Variants in FDX1 observed in about 807,000 individuals in gnomAD.
FDX1 encodes the protein adrenodoxin, mitochondrial.
A neutral mutation model predicts 14.9 loss-of-function variants in FDX1; 9 were observed. That is an observed-to-expected ratio of 0.60 (90% confidence interval 0.36 to 1.05). The LOEUF is 1.05. Ranked by LOEUF, FDX1 falls within the 50% of genes least tolerant of loss-of-function variation. The pLI, the probability that FDX1 is intolerant of heterozygous loss-of-function variation, is 0.01. For synonymous variants in FDX1, 92 were observed against 99.4 expected, an observed-to-expected ratio of 0.93 and a Z score of 0.44; for missense variants, 204 against 237.2, an observed-to-expected ratio of 0.86 and a Z score of 0.92.
chr11:110,462,643 T>C lies in FDX1; in HGVS notation c.*175T>C, dbSNP rs998050476. 2.6e-5 allele frequency: 10 copies of C among 386,984 alleles called. No homozygotes were observed. The highest frequency in any genetic ancestry group is 4.2e-5 in the Admixed American group (1 of 23,600). 24.0% of individuals were successfully genotyped at this position (386,984 alleles called of 1,614,324 possible). A position where few individuals can be genotyped will look rare whatever the true frequency, so the allele number is the denominator to read the frequency against. The stretch of plus-strand genomic sequence containing the variant: ...GTCATTCTTGAAAGTATGCAATTTT[T>C]ATTTTGGTTATATTACAAAAATGTC... On this transcript the variant is annotated 3_prime_UTR_variant, in exon 4 of 4. Coordinates refer to ENST00000260270, the MANE Select transcript of FDX1 (RefSeq NM_004109.5).
chr11:110,443,685 C>A (rs1355447157), intron 2 of FDX1, among the ~76,000 whole-genome samples: 1 of 152,072 alleles, frequency 6.6e-6, no homozygotes, highest in Non-Finnish European at 1.5e-5. Flanking sequence ...CTCAAGTGAT[C>A]CGCCTGCCTT....
chr11:110,450,068 C>T (rs901976948), intron 2 of FDX1, among the ~76,000 whole-genome samples: 1 of 152,148 alleles, frequency 6.6e-6, no homozygotes, highest in Admixed American at 6.5e-5. Context: ...GGCCCCCAAC[C>T]TTTTTGGCAC....
intron 2 of FDX1, among the ~76,000 whole-genome samples, chr11:110,436,899 T>C (rs1946373499): frequency 6.6e-6 from 1 of 152,128 alleles, no homozygotes; most frequent in Admixed American, 6.5e-5. Context: ...CTTATTAGAT[T>C]ATTAGTTTTT....
intron 2 of FDX1, among the ~76,000 whole-genome samples, chr11:110,437,319 T>C (rs1398724885): frequency 6.6e-6 from 1 of 152,230 alleles, no homozygotes; most frequent in South Asian, 2.1e-4. Context: ...AAGTATTTTT[T>C]GCTAGTTTTA....
At chr11:110,447,273 CA>C (rs541827807) in intron 2 of FDX1, among the ~76,000 whole-genome samples, 1,765 of 75,298 alleles carry the variant, frequency 0.023, 18 homozygotes, top group African/African-American at 0.066. Flanking sequence ...ACTAAAAATA[CA>C]AAAAAAAAAA....
intron 1 of FDX1, among the ~76,000 whole-genome samples, 167 bp downstream of exon 1, chr11:110,430,472 C>T (rs1946323333): frequency 6.6e-6 from 1 of 152,206 alleles, no homozygotes; most frequent in African/African-American, 2.4e-5. Context: ...GCGGCTCCGT[C>T]TCGCTGCTCG....
rs936890708 is a variant in FDX1 at position 110,462,377 on chromosome 11, G to A, written c.464G>A (p.Cys155Tyr). The A allele has an allele frequency of 6.2e-7, 1 of 1,610,824 alleles. No individual in the cohort carries two copies. Among genetic ancestry groups the A allele is most frequent in the Non-Finnish European group, 8.5e-7 (1 of 1,177,458 alleles). ...TDRSRLGCQICLTKSMDNMTV... is the reference protein window; with the variant it reads ...TDRSRLGCQIYLTKSMDNMTV... ...AGATCACGGTTGGGCTGCCAAATCT[G>A]TTTGACAAAATCTATGGACAATATG... Residue 155 changes from cysteine (C) to tyrosine (Y), a missense_variant, in exon 4 of 4, where the codon TGT (cysteine) becomes TAT (tyrosine). Transcript: ENST00000260270.
intron 1 of FDX1, among the ~76,000 whole-genome samples, chr11:110,434,495 C>A (rs1946354422): frequency 6.6e-6 from 1 of 151,788 alleles, no homozygotes; most frequent in African/African-American, 2.4e-5. Context: ...TACCACCATG[C>A]CTAATTTTTG....
Position 110,455,547 on chromosome 11 carries a change from G to A in FDX1, c.311-1371G>A, listed in dbSNP as rs569066992. On this transcript the variant is annotated intron_variant, in intron 2 of 3. Coordinates refer to ENST00000260270, the MANE Select transcript of FDX1 (RefSeq NM_004109.5). ...TTAAAAAAACTGTAAAAACAAACCCGAATCACTGTTTTTAAAGTCAGATTT... is the reference window on the plus strand; with the variant it reads ...TTAAAAAAACTGTAAAAACAAACCCAAATCACTGTTTTTAAAGTCAGATTT... 5.9e-5 allele frequency among the ~76,000 whole-genome samples: 9 copies of A among 152,198 alleles called. No individual in the cohort carries two copies. The South Asian group carries it at 1.2e-3, about 21-fold the overall frequency.
chr11:110,430,621 G>A (rs1248550811), intron 1 of FDX1, among the ~76,000 whole-genome samples: 3 of 152,204 alleles, frequency 2.0e-5, no homozygotes, highest in Non-Finnish European at 2.9e-5. Context: ...GGACTTTGCT[G>A]CTGCTTGTTC....
At chr11:110,438,551 G>A (rs1045894772) in intron 2 of FDX1, among the ~76,000 whole-genome samples, 1 of 152,020 alleles carries the variant, frequency 6.6e-6, no homozygotes, top group African/African-American at 2.4e-5. Context: ...TCAGTCTCCT[G>A]AGTAGCTGGA....
chr11:110,451,979 GGT>G (rs1946489424), intron 2 of FDX1, among the ~76,000 whole-genome samples: 1 of 152,100 alleles, frequency 6.6e-6, no homozygotes, highest in South Asian at 2.1e-4. Flanking sequence ...GTGAAGAAAG[GGT>G]ATTCTTTTCA....
intron 1 of FDX1, among the ~76,000 whole-genome samples, chr11:110,434,653 T>C (rs1226392822): frequency 6.6e-6 from 1 of 151,566 alleles, no homozygotes; most frequent in Non-Finnish European, 1.5e-5. Flanking sequence ...TTTTAGAAGC[T>C]CACTACAACC....
chr11:110,457,021 C>G lies in FDX1; in HGVS notation c.414C>G (p.Leu138=). Reference sequence around the variant, plus strand: ...TCACTGATGAGGAGAATGACATGCTCGATCTGGCATATGGACTAACAGACA... The same window carrying G: ...TCACTGATGAGGAGAATGACATGCTGGATCTGGCATATGGACTAACAGACA... ...DAITDEENDM[L]DLAYGLTDRS... The change falls in exon 3 of 4, where the codon CTC becomes CTG. Residue 138 remains leucine (L), a synonymous_variant. Transcript: ENST00000260270. 1 of 1,613,020 alleles carries G rather than the reference C, an allele frequency of 6.2e-7. No homozygotes were observed. Among genetic ancestry groups the G allele is most frequent in the Non-Finnish European group, 8.5e-7 (1 of 1,179,324 alleles).
rs1202295431 is a variant in FDX1 at position 110,464,685 on chromosome 11, G to C, written c.*2217G>C. ...CAAAGCCAATTTATTCTCTTAATTAGCTTCATTATTCTTGTCTTTGTGTGT... is the reference window on the plus strand; with the variant it reads ...CAAAGCCAATTTATTCTCTTAATTACCTTCATTATTCTTGTCTTTGTGTGT... On this transcript the variant is annotated 3_prime_UTR_variant, in exon 4 of 4. Transcript: ENST00000260270. The C allele has an allele frequency of 1.3e-5, 2 of 152,146 alleles. No homozygotes were observed. Among genetic ancestry groups the C allele is most frequent in the Non-Finnish European group, 1.5e-5 (1 of 68,026 alleles). The allele number at this position is 152,146 out of a possible 1,614,324, so 9.4% of individuals were successfully genotyped here.
intron 3 of FDX1, among the ~76,000 whole-genome samples, chr11:110,458,048 T>A (rs1946533667): frequency 6.6e-6 from 1 of 152,202 alleles, no homozygotes; most frequent in Non-Finnish European, 1.5e-5. Context: ...TATGAGCACC[T>A]CCTTTCTTCC....
At chr11:110,456,771 A>C (rs190837920) in intron 2 of FDX1, 147 bp from the exon 3 acceptor site, 2 of 707,352 alleles carry the variant, frequency 2.8e-6, no homozygotes, top group East Asian at 6.4e-5. Context: ...GGCCTCCTAA[A>C]GTGCTGGGAT....
chr11:110,458,884 C>T (rs981459775), intron 3 of FDX1, among the ~76,000 whole-genome samples: 4 of 152,106 alleles, frequency 2.6e-5, no homozygotes, highest in Admixed American at 6.6e-5. Flanking sequence ...GGATTACAGG[C>T]GTGAGCCACC....
intron 2 of FDX1, among the ~76,000 whole-genome samples, chr11:110,454,008 G>A (rs1226702853): frequency 3.3e-5 from 5 of 152,140 alleles, no homozygotes; most frequent in South Asian, 2.1e-4. Flanking sequence ...GAAAAGGTTC[G>A]AAAAGGACCA....
Sources: gnomAD v4.1 joint callset for allele counts (sites outside exome capture counted in the v4.1 genomes callset) on GRCh38, gnomAD v4.1.1 for gene constraint, MANE v1.5 for transcripts, NCBI Gene and HGNC (gene_info 2026-07-23, HGNC 2026-07-21) for gene names.